The following RPH3AL variants were observed in gnomAD, a reference collection of about 807,000 sequenced individuals.
The protein encoded by RPH3AL is rab effector Noc2.
In RPH3AL, 38 loss-of-function variants were observed where a neutral mutation model predicts 43.1. That is an observed-to-expected ratio of 0.88 (90% CI 0.68 to 1.15). The LOEUF (loss-of-function observed/expected upper bound fraction) is 1.15, where lower values mean the gene tolerates loss of function less well. Among genes scored for constraint, RPH3AL ranks in the 50% most tolerant of loss-of-function variants. RPH3AL has a pLI of 0.00. For synonymous variants in RPH3AL, 189 were observed against 176.3 expected (o/e 1.07, Z -0.57); for missense variants, 462 against 423.2 (o/e 1.09, Z -0.81).
Position 253,528 on chromosome 17 carries a change from G to A in RPH3AL, c.439-6243C>T, listed in dbSNP as rs1031417346. Among the ~76,000 whole-genome samples the A allele has an allele frequency of 3.9e-5, 6 of 152,264 alleles. No individual in the cohort carries two copies. The South Asian group carries it at 8.3e-4, about 21-fold the overall frequency. On this transcript the variant is annotated intron_variant, in intron 6 of 9. Transcript: ENST00000331302. ...TAAAAAAATTAAAAATGTTTCCATT[G>A]TATTAAAGTATTCATAACATCAAAC... is the stretch of plus-strand genomic sequence containing the variant.
rs2044661149 is a variant in RPH3AL, at chr17:328,130, C to A, written c.-36-551G>T. Among the ~76,000 whole-genome samples the A allele has an allele frequency of 1.3e-5, 2 of 152,046 alleles. No individual in the cohort carries two copies. On this transcript the variant is annotated intron_variant, in intron 2 of 9. Coordinates refer to ENST00000331302, the MANE Select transcript of RPH3AL (RefSeq NM_006987.4). This position sits in a 1 kb window ranked among gnomAD's most constrained non-coding sequence, Gnocchi z 4.2. ...GGGGTGGCAGCTACAGCCAGGATTG[C>A]CACCCAGCACCATGCCAAGGGGAGC...
chr17:228,845 C>G (rs926724109), intron 7 of RPH3AL, among the ~76,000 whole-genome samples: 3 of 152,190 alleles, frequency 2.0e-5, no homozygotes, highest in Non-Finnish European at 2.9e-5. Context: ...CTCTCTGGAC[C>G]CTTTTTCTGT....
chr17:247,706 G>A (rs1567582856), intron 6 of RPH3AL: 1 of 170,030 alleles, frequency 5.9e-6, no homozygotes, highest in African/African-American at 2.4e-5. Flanking sequence ...TCTCAATATG[G>A]GCCTGGCATG....
At chr17:294,179 G>A (rs1368493629) in intron 5 of RPH3AL, among the ~76,000 whole-genome samples, 2 of 152,112 alleles carry the variant, frequency 1.3e-5, no homozygotes, top group Non-Finnish European at 2.9e-5. Context: ...CCAGTGTGAG[G>A]TGTGAGGTGT....
chr17:272,788 A>ACC (rs1555550636), intron 6 of RPH3AL, among the ~76,000 whole-genome samples: 2 of 150,888 alleles, frequency 1.3e-5, no homozygotes, highest in Non-Finnish European at 3.0e-5. Context: ...ACACACACAC[A>ACC]CCAAAAAACC....
intron 6 of RPH3AL, among the ~76,000 whole-genome samples, chr17:279,580 A>AG (rs1227643095): frequency 2.0e-5 from 3 of 152,072 alleles, no homozygotes; most frequent in African/African-American, 4.8e-5. Context: ...GTGACTCATG[A>AG]GGGGGATGGG....
intron 8 of RPH3AL, among the ~76,000 whole-genome samples, chr17:217,009 C>T (rs1054445843): frequency 1.6e-4 from 24 of 151,392 alleles, no homozygotes; most frequent in Non-Finnish European, 2.2e-4. Context: ...AGCCCTTCTT[C>T]TGCCCTAAAA....
chr17:231,811 T>C (rs908000602), intron 7 of RPH3AL, among the ~76,000 whole-genome samples: 12 of 152,236 alleles, frequency 7.9e-5, no homozygotes, highest in African/African-American at 1.4e-4. Flanking sequence ...AAGGTTGTCA[T>C]TGGGTCTCGG....
chr17:258,371 A>C (rs574505607), intron 6 of RPH3AL, among the ~76,000 whole-genome samples: 1 of 152,354 alleles, frequency 6.6e-6, no homozygotes, highest in East Asian at 1.9e-4. Flanking sequence ...CTCAACCTAC[A>C]GTCTGCCACC....
At chr17:337,470 G>A (rs1400539584) in intron 1 of RPH3AL, among the ~76,000 whole-genome samples, 3 of 152,098 alleles carry the variant, frequency 2.0e-5, no homozygotes, top group African/African-American at 7.2e-5. Context: ...TCCTTAACCT[G>A]CCTCTTTCCC....
chr17:324,681 TTCTA>T (rs1178161574), intron 3 of RPH3AL, among the ~76,000 whole-genome samples: 75 of 130,156 alleles, frequency 5.8e-4, no homozygotes, highest in Middle Eastern at 4.0e-3. Context: ...CTTTCTATCT[TTCTA>T]TCTATCTAGC....
Position 245,315 on chromosome 17 carries a change from G to A in RPH3AL, c.613+1796C>T, listed in dbSNP as rs2041731808. ...TGTGTGTGTGGATGTGTGTGTGGAT[G>A]TGGATGTCAGTGTGTGTGTGTGGAT... On this transcript the variant is annotated intron_variant, in intron 7 of 9. Transcript: ENST00000331302. This position sits in a 1 kb window ranked among gnomAD's most constrained non-coding sequence, Gnocchi z 5.9. Among the ~76,000 whole-genome samples the A allele has an allele frequency of 6.6e-6, 1 of 151,404 alleles. No individual in the cohort carries two copies. Among genetic ancestry groups the A allele is most frequent in the Non-Finnish European group, 1.5e-5 (1 of 67,838 alleles).
intron 5 of RPH3AL, among the ~76,000 whole-genome samples, chr17:296,251 A>G (rs9897639): frequency 1.5e-5 from 1 of 66,390 alleles, no homozygotes; most frequent in Non-Finnish European, 2.8e-5. Flanking sequence ...AATGCACATC[A>G]GTGTGGGAGG....
At chr17:304,534 C>T (rs2043414548) in intron 5 of RPH3AL, among the ~76,000 whole-genome samples, 2 of 152,182 alleles carry the variant, frequency 1.3e-5, no homozygotes, top group Non-Finnish European at 1.5e-5. Flanking sequence ...CAGGCCACCC[C>T]CACCAACAAC....
chr17:331,638 G>C, intron 2 of RPH3AL: 1 of 1,288,234 alleles, frequency 7.8e-7, no homozygotes, highest in Non-Finnish European at 1.0e-6. Flanking sequence ...TCCAAACCTC[G>C]TCAGCATGCA....
chr17:320,357 C>T (rs376922266), intron 4 of RPH3AL, among the ~76,000 whole-genome samples: 11 of 152,030 alleles, frequency 7.2e-5, no homozygotes, highest in South Asian at 2.1e-4. Flanking sequence ...AAGATAAGGC[C>T]GGGCAGGGTG....
chr17:241,741 C>T (rs1323195092), intron 7 of RPH3AL, among the ~76,000 whole-genome samples: 3 of 116,810 alleles, frequency 2.6e-5, no homozygotes, highest in African/African-American at 6.6e-5. Context: ...TTTTTTGAGA[C>T]GGAGTCTTGC....
At chr17:213,982 G>C in intron 9 of RPH3AL, 59 bp from the exon 10 acceptor site, 2 of 1,328,506 alleles carry the variant, frequency 1.5e-6, no homozygotes, top group South Asian at 1.3e-5. Flanking sequence ...CTCCCTCCCC[G>C]GTGACAGCTC....
rs202168666 is a variant in RPH3AL at position 247,191 on chromosome 17, C to T, written c.533G>A (p.Arg178Gln). The change falls in exon 7 of 10, where the codon CGA becomes CAA. Residue 178 changes from arginine to glutamine, a missense_variant. Coordinates refer to ENST00000331302, the MANE Select transcript of RPH3AL (RefSeq NM_006987.4). ...TPGRADDPHF[R>Q]PLPTEPAERE... Reference sequence around the variant, plus strand: ...CTCTGCCGGTTCCGTGGGCAAAGGTCGGAAGTGGGGGTCATCAGCTCGGCC... The same window carrying T: ...CTCTGCCGGTTCCGTGGGCAAAGGTTGGAAGTGGGGGTCATCAGCTCGGCC... 230 of 1,614,030 alleles carry T rather than the reference C, an allele frequency of 1.4e-4. 1 individual carries two copies. The highest frequency in any genetic ancestry group is 1.4e-3 in the South Asian group (123 of 91,076).
Sources: gnomAD v4.1 joint callset for allele counts (sites outside exome capture counted in the v4.1 genomes callset) on GRCh38, gnomAD v4.1.1 for gene constraint, Gnocchi (gnomAD v3.1) non-coding constraint, MANE v1.5 for transcripts, NCBI Gene and HGNC (gene_info 2026-07-23, HGNC 2026-07-21) for gene names.